Variants in SLC35D2 observed in about 807,000 individuals in gnomAD.
The protein encoded by SLC35D2 is solute carrier family 35 member D2, also known as nucleotide sugar transporter SLC35D2.
In SLC35D2, 43 loss-of-function variants were observed where a neutral mutation model predicts 41.8. The observed-to-expected ratio is 1.03, with a 90% CI of 0.81 to 1.33. The LOEUF (loss-of-function observed/expected upper bound fraction) is 1.33, where lower values mean the gene tolerates loss of function less well. Ranked by LOEUF, SLC35D2 falls within the 40% of genes most tolerant of loss-of-function variation. The pLI, the probability that SLC35D2 is intolerant of heterozygous loss-of-function variation, is 0.00. For synonymous variants in SLC35D2, 150 were observed against 163.9 expected (o/e 0.92, Z 0.65); for missense variants, 380 against 408.4 (o/e 0.93, Z 0.60).
rs778204722 is a variant in SLC35D2 at position 96,321,197 on chromosome 9, C to A, written c.*45G>T. ...TCACATTCCTACTGGGAATGCCCCC[C>A]CAGCCCGCAGTCACAAGTCAGTCTC... is the stretch of plus-strand genomic sequence containing the variant. On this transcript the variant is annotated 3_prime_UTR_variant, in exon 12 of 12. Transcript: ENST00000253270. 11 of 1,447,702 alleles carry A rather than the reference C, an allele frequency of 7.6e-6. No individual in the cohort carries two copies. Among genetic ancestry groups the A allele is most frequent in the African/African-American group, 7.0e-5 (5 of 71,450 alleles). The allele number at this position is 1,447,702 out of a possible 1,614,324, so 89.7% of individuals were successfully genotyped here. A position where few individuals can be genotyped will look rare whatever the true frequency, so the allele number is the denominator to read the frequency against.
At chr9:96,382,598 G>C (rs998523875) in intron 1 of SLC35D2, among the ~76,000 whole-genome samples, 54 of 151,474 alleles carry the variant, frequency 3.6e-4, no homozygotes, top group African/African-American at 1.3e-3. Context: ...TTATATTCGA[G>C]AAAAGTGAGA....
intron 6 of SLC35D2, among the ~76,000 whole-genome samples, chr9:96,347,917 T>C (rs1347131016): frequency 3.9e-5 from 6 of 152,314 alleles, no homozygotes; most frequent in Non-Finnish European, 7.3e-5. Context: ...GCCAGGGCAA[T>C]GTCAGGAAGC....
intron 6 of SLC35D2, among the ~76,000 whole-genome samples, chr9:96,346,481 G>A (rs933931166): frequency 1.3e-5 from 2 of 152,186 alleles, no homozygotes; most frequent in African/African-American, 4.8e-5. Flanking sequence ...TGGGATGGGA[G>A]AAGCGGTCCT....
intron 10 of SLC35D2, among the ~76,000 whole-genome samples, chr9:96,322,402 T>A (rs1007186280): frequency 6.6e-6 from 1 of 151,972 alleles, no homozygotes; most frequent in African/African-American, 2.4e-5. Context: ...ATGCCTGTAA[T>A]CCCAGCTACT....
chr9:96,367,219 CAAAAAAAAAA>C (rs1171888357), intron 2 of SLC35D2, among the ~76,000 whole-genome samples: 2 of 70,994 alleles, frequency 2.8e-5, no homozygotes, highest in Non-Finnish European at 6.1e-5. Flanking sequence ...GACTCAGTCA[CAAAAAAAAAA>C]AAAAAAAAAA....
At chr9:96,363,015 C>A (rs749419205) in intron 3 of SLC35D2, among the ~76,000 whole-genome samples, 1 of 151,672 alleles carries the variant, frequency 6.6e-6, no homozygotes. Context: ...TACAGGTGTG[C>A]GCCACCACGC....
chr9:96,348,487 T>C (rs1829673461), intron 6 of SLC35D2, among the ~76,000 whole-genome samples: 2 of 152,214 alleles, frequency 1.3e-5, no homozygotes, highest in Non-Finnish European at 2.9e-5. Context: ...TGAGTGAAGC[T>C]ACTGCCGTGT....
intron 6 of SLC35D2, among the ~76,000 whole-genome samples, chr9:96,346,372 T>C (rs186721136): frequency 6.6e-6 from 1 of 152,228 alleles, no homozygotes; most frequent in East Asian, 1.9e-4. Context: ...AAACCTATGG[T>C]GGAAATGATG....
chr9:96,380,146 C>G (rs1360191489), intron 1 of SLC35D2, among the ~76,000 whole-genome samples: 1 of 152,186 alleles, frequency 6.6e-6, no homozygotes, highest in African/African-American at 2.4e-5. Flanking sequence ...ATCCGCCCAC[C>G]TCAGCCTCCC....
intron 1 of SLC35D2, among the ~76,000 whole-genome samples, chr9:96,382,407 T>C (rs928202459): frequency 2.6e-5 from 4 of 151,192 alleles, no homozygotes; most frequent in African/African-American, 7.3e-5. Flanking sequence ...TGAGTCATGA[T>C]TGTGTCACTA....
At chr9:96,353,871 G>A (rs550101884) in intron 4 of SLC35D2, among the ~76,000 whole-genome samples, 93 of 152,260 alleles carry the variant, frequency 6.1e-4, no homozygotes, top group African/African-American at 2.1e-3. Flanking sequence ...GACCCTGAGC[G>A]GCCGATGAGC....
intron 9 of SLC35D2, among the ~76,000 whole-genome samples, chr9:96,332,349 G>A (rs1445168137): frequency 1.3e-5 from 2 of 152,264 alleles, no homozygotes; most frequent in East Asian, 3.9e-4. Context: ...AGCTTACTAT[G>A]GAGATGCAGA....
chr9:96,347,770 T>C (rs983490796), intron 6 of SLC35D2, among the ~76,000 whole-genome samples: 11 of 152,060 alleles, frequency 7.2e-5, no homozygotes, highest in Non-Finnish European at 1.3e-4. Flanking sequence ...CAGGATGACA[T>C]AGGAAGCCGG....
chr9:96,323,992 C>T (rs1411145279), intron 10 of SLC35D2, 99 bp downstream of exon 10: 1 of 1,010,928 alleles, frequency 9.9e-7, no homozygotes, highest in East Asian at 2.4e-5. Context: ...CTCGTTCTTA[C>T]ACCACCACCA....
intron 1 of SLC35D2, among the ~76,000 whole-genome samples, chr9:96,378,162 A>C (rs1831034243): frequency 6.6e-6 from 1 of 152,092 alleles, no homozygotes; most frequent in Non-Finnish European, 1.5e-5. Flanking sequence ...AACCAGGCAC[A>C]ATGGCTCATG....
At chr9:96,330,221 A>G (rs1038771659) in intron 9 of SLC35D2, among the ~76,000 whole-genome samples, 1 of 152,220 alleles carries the variant, frequency 6.6e-6, no homozygotes, top group Non-Finnish European at 1.5e-5. Context: ...CCCATGGCCA[A>G]TTGGCTGGTG....
chr9:96,313,974 G>T (rs1927884), exon 12 of SLC35D2: 98,209 of 152,532 alleles, frequency 0.64, 32,710 homozygotes, highest in African/African-American at 0.82. Flanking sequence ...ACCAGGAATT[G>T]AGCATCTCTG....
At chr9:96,361,949 AC>A (rs1282469542) in intron 3 of SLC35D2, among the ~76,000 whole-genome samples, 1 of 152,176 alleles carries the variant, frequency 6.6e-6, no homozygotes, top group Non-Finnish European at 1.5e-5. Flanking sequence ...CTCAGCTAAC[AC>A]ATGTACGCCA....
intron 3 of SLC35D2, among the ~76,000 whole-genome samples, chr9:96,362,276 G>A (rs1460017760): frequency 6.6e-6 from 1 of 152,204 alleles, no homozygotes; most frequent in Non-Finnish European, 1.5e-5. Flanking sequence ...GGGAGGCCAA[G>A]GCGGGCAGAT....
Sources: gnomAD v4.1 joint callset for allele counts (sites outside exome capture counted in the v4.1 genomes callset) on GRCh38, gnomAD v4.1.1 for gene constraint, MANE v1.5 for transcripts, NCBI Gene and HGNC (gene_info 2026-07-23, HGNC 2026-07-21) for gene names.